SGO2: variants seen among roughly 807,000 people sequenced by gnomAD.
The protein encoded by SGO2 is shugoshin 2.
Under a neutral mutation model 99.5 loss-of-function variants are expected in SGO2, and 68 were observed. The observed-to-expected ratio is 0.68, with a 90% CI of 0.56 to 0.84. The LOEUF is 0.84. Among genes scored for constraint, SGO2 ranks in the 40% least tolerant of loss-of-function variants. The pLI, the probability that SGO2 is intolerant of heterozygous loss-of-function variation, is 0.00. For synonymous variants in SGO2, 457 were observed against 487.1 expected (o/e 0.94, Z 0.81); for missense variants, 1,350 against 1,436.7 (o/e 0.94, Z 0.97).
intron 5 of SGO2, among the ~76,000 whole-genome samples, chr2:200,561,179 C>G (rs572694134): frequency 6.6e-6 from 1 of 152,088 alleles, no homozygotes; most frequent in Non-Finnish European, 1.5e-5. Context: ...TGTTTCCTAA[C>G]GCTATCCCTC....
Position 200,533,096 on chromosome 2 carries a change from AC to A in SGO2, c.122del (p.Thr41LysfsTer4). 2 of 1,581,358 alleles carry A rather than the reference AC, an allele frequency of 1.3e-6. No homozygotes were observed. The highest frequency in any genetic ancestry group is 1.7e-6 in the Non-Finnish European group (2 of 1,169,962). On this transcript the variant is annotated frameshift_variant, in exon 2 of 9. Coordinates refer to ENST00000357799, the MANE Select transcript of SGO2 (RefSeq NM_152524.6). LOFTEE classifies it high-confidence loss of function. ...LNVSLASKIK[T>X]KILNNSSIFK... is the part of the protein sequence containing the mutation. ...TGTTTCTCTTGCTTCAAAAATAAAA[AC>A]AAAAATACTAAGTAAGTGCCATCAG...
intron 5 of SGO2, among the ~76,000 whole-genome samples, chr2:200,544,469 A>G (rs2032114763): frequency 1.3e-5 from 2 of 152,126 alleles, no homozygotes; most frequent in South Asian, 4.1e-4. Flanking sequence ...TTTAATAGGG[A>G]CAGGATTTTA....
chr2:200,542,353 T>A (rs1324459754), intron 4 of SGO2, among the ~76,000 whole-genome samples: 1 of 152,198 alleles, frequency 6.6e-6, no homozygotes, highest in Non-Finnish European at 1.5e-5. Flanking sequence ...CATAGAAGAA[T>A]GTTGAGGTTA....
At chr2:200,578,488 G>A (rs2033739194) in intron 8 of SGO2, among the ~76,000 whole-genome samples, 1 of 152,188 alleles carries the variant, frequency 6.6e-6, no homozygotes, top group South Asian at 2.1e-4. Flanking sequence ...TTCTCATCTG[G>A]AGGCTGTGCT....
At chr2:200,561,432 C>T (rs527488497) in intron 5 of SGO2, among the ~76,000 whole-genome samples, 1 of 152,278 alleles carries the variant, frequency 6.6e-6, no homozygotes, top group South Asian at 2.1e-4. Context: ...TTTTCTTAAC[C>T]CAGTCTATCA....
intron 1 of SGO2, among the ~76,000 whole-genome samples, chr2:200,527,870 G>A (rs1342588911): frequency 1.3e-5 from 2 of 152,200 alleles, no homozygotes; most frequent in Admixed American, 1.3e-4. Context: ...AAATAAAACA[G>A]AAGGGGAGAA....
At chr2:200,555,642 A>T (rs543292719) in intron 5 of SGO2, among the ~76,000 whole-genome samples, 15 of 152,312 alleles carry the variant, frequency 9.8e-5, no homozygotes, top group African/African-American at 3.6e-4. Context: ...GGCCAAGAGC[A>T]TGCTTTTCTG....
intron 5 of SGO2, among the ~76,000 whole-genome samples, chr2:200,544,529 A>C (rs959578817): frequency 2.6e-5 from 4 of 152,088 alleles, no homozygotes; most frequent in Non-Finnish European, 5.9e-5. Flanking sequence ...TAATCCTCCC[A>C]CCTCGGCCTC....
Position 200,572,486 on chromosome 2 carries a change from C to A in SGO2, c.2140C>A (p.Gln714Lys), listed in dbSNP as rs1475493406. Residue 714 changes from glutamine to lysine, a missense_variant, in exon 7 of 9, where the codon CAG becomes AAG. Transcript: ENST00000357799. ...NESKVNKKLR[Q>K]KVNRKTEIIS... Reference sequence around the variant, plus strand: ...ATCAAAAGTTAATAAGAAGCTTAGGCAGAAAGTAAATCGGAAGACAGAAAT... The same window carrying A: ...ATCAAAAGTTAATAAGAAGCTTAGGAAGAAAGTAAATCGGAAGACAGAAAT... 1.9e-6 allele frequency: 3 copies of A among 1,612,390 alleles called. No individual in the cohort carries two copies.
In SGO2 at chr2:200,563,300, C is replaced by T. The variant is rs147076387; in HGVS notation, c.474-6363C>T. On this transcript the variant is annotated intron_variant, in intron 5 of 8. Coordinates refer to ENST00000357799, the MANE Select transcript of SGO2 (RefSeq NM_152524.6). ...TGAATTTTGTTAAAGGCCTTTTCTG[C>T]ATCTATGGAGATAATCATGTGGTTT... Among the ~76,000 whole-genome samples, 1,088 of 152,306 alleles carry T rather than the reference C, an allele frequency of 7.1e-3. 5 individuals carry two copies. The highest frequency in any genetic ancestry group is 0.031 in the Middle Eastern group (9 of 294).
At chr2:200,552,954 C>G (rs1027227891) in intron 5 of SGO2, among the ~76,000 whole-genome samples, 1 of 152,114 alleles carries the variant, frequency 6.6e-6, no homozygotes, top group East Asian at 1.9e-4. Context: ...CGCACCCCCC[C>G]GCCCCCTTTT....
At chr2:200,533,230 A>G in intron 2 of SGO2, 122 bp downstream of exon 2, 1 of 1,124,240 alleles carries the variant, frequency 8.9e-7, no homozygotes, top group Non-Finnish European at 1.2e-6. Flanking sequence ...GTTAACTGAT[A>G]ACTTTTTAAA....
At chr2:200,547,579 A>G (rs946635489) in intron 5 of SGO2, among the ~76,000 whole-genome samples, 21 of 152,220 alleles carry the variant, frequency 1.4e-4, no homozygotes, top group Admixed American at 2.0e-4. Flanking sequence ...CAACCTGTTA[A>G]TAGATAATAT....
In SGO2 at chr2:200,571,573, G is replaced by C. The variant is rs2033428252; in HGVS notation, c.1227G>C (p.Lys409Asn). The change falls in exon 7 of 9, where the codon AAG becomes AAC. Residue 409 changes from lysine (K) to asparagine (N), a missense_variant. Transcript: ENST00000357799. ...RKVKDSSSEK[K>N]RERSKRQFKN... ...TGAAAGATTCCAGCTCTGAAAAAAA[G>C]AGAGAAAGATCAAAGAGACAGTTTA... 2 of 1,611,952 alleles carry C rather than the reference G, an allele frequency of 1.2e-6. No homozygotes were observed. Among genetic ancestry groups the C allele is most frequent in the Non-Finnish European group, 1.7e-6 (2 of 1,179,454 alleles).
chr2:200,572,343 A>G lies in SGO2; in HGVS notation c.1997A>G (p.Glu666Gly), dbSNP rs1362070719. 6.2e-7 allele frequency: 1 copy of G among 1,610,286 alleles called. No homozygotes were observed. The highest frequency in any genetic ancestry group is 1.7e-5 in the Admixed American group (1 of 59,238). The change falls in exon 7 of 9, where the codon GAG becomes GGG. Residue 666 changes from glutamate to glycine, a missense_variant. Glu to Gly is a moderately conservative substitution (Grantham distance 98). Transcript: ENST00000357799. The part of the protein sequence containing the change: ...PISENIEVSK[E>G]LQIPALSTRD... ...TCTGAAAACATAGAAGTTTCCAAAGAGCTTCAAATCCCAGCTCTTTCTACT... is the reference window on the plus strand; with the variant it reads ...TCTGAAAACATAGAAGTTTCCAAAGGGCTTCAAATCCCAGCTCTTTCTACT...
intron 3 of SGO2, among the ~76,000 whole-genome samples, chr2:200,535,802 A>G (rs1019937764): frequency 7.2e-5 from 11 of 152,068 alleles, no homozygotes; most frequent in Non-Finnish European, 8.8e-5. Context: ...TAGGAAAACA[A>G]AATTGTTCTA....
rs773803997 is a variant in SGO2 at position 200,573,536 on chromosome 2, G to C, written c.3190G>C (p.Glu1064Gln). 5.0e-6 allele frequency: 8 copies of C among 1,610,920 alleles called. No individual in the cohort carries two copies. Among genetic ancestry groups the C allele is most frequent in the Non-Finnish European group, 6.8e-6 (8 of 1,178,944 alleles). Residue 1064 changes from glutamate to glutamine, a missense_variant, in exon 7 of 9, where the codon GAA (glutamate) becomes CAA (glutamine). Glu to Gln is a conservative substitution (Grantham distance 29, BLOSUM62 2). Transcript: ENST00000357799. ...TCTCCCTTTTGTGGAAGAAATAAAA[G>C]AAGGAGAGTGTCAGGTTAAAAAGGT... ...KDLPFVEEIKEGECQVKKVNK... is the reference protein window; with the variant it reads ...KDLPFVEEIKQGECQVKKVNK...
In SGO2 at chr2:200,546,090, C is replaced by CA. The variant is rs531044947; in HGVS notation, c.473+3428dup. On this transcript the variant is annotated intron_variant, in intron 5 of 8. Coordinates refer to ENST00000357799, the MANE Select transcript of SGO2 (RefSeq NM_152524.6). Reference sequence around the variant, plus strand: ...CCCCCATTTTGGGACAGGCAGTGGTCAACCATTTACTAGCTCCAAGGTGAA... The same window carrying CA: ...CCCCCATTTTGGGACAGGCAGTGGTCAAACCATTTACTAGCTCCAAGGTGAA... Among the ~76,000 whole-genome samples the CA allele has an allele frequency of 1.5e-3, 231 of 151,846 alleles. 1 individual carries two copies. The highest frequency in any genetic ancestry group is 5.3e-3 in the African/African-American group (218 of 41,418).
chr2:200,576,313 C>T (rs1332322622), intron 8 of SGO2, among the ~76,000 whole-genome samples: 1 of 151,438 alleles, frequency 6.6e-6, no homozygotes, highest in Non-Finnish European at 1.5e-5. Flanking sequence ...TGGTGGCTCA[C>T]ACCTGTAATC....
Sources: allele counts gnomAD v4.1 joint callset (sites outside exome capture counted in the v4.1 genomes callset), GRCh38; gene constraint gnomAD v4.1.1; transcripts MANE v1.5; gene names NCBI Gene and HGNC (gene_info 2026-07-23, HGNC 2026-07-21).